GAS7: variants seen among roughly 807,000 people sequenced by gnomAD.
GAS7 encodes the protein growth arrest-specific protein 7.
In GAS7, 28 loss-of-function variants were observed where a neutral mutation model predicts 71.1. The observed-to-expected ratio is 0.39, with a 90% confidence interval of 0.29 to 0.54. GAS7 has a LOEUF of 0.54. Ranked by LOEUF, GAS7 falls within the 20% of genes least tolerant of loss-of-function variation. The pLI is 0.62. For missense variants in GAS7, 436 were observed against 627.8 expected, an observed-to-expected ratio of 0.69 and a Z score of 3.27; for synonymous variants, 258 against 245.8, an observed-to-expected ratio of 1.05 and a Z score of -0.46.
chr17:9,984,426 A>G (rs2070556688), intron 2 of GAS7, among the ~76,000 whole-genome samples: 1 of 152,164 alleles, frequency 6.6e-6, no homozygotes, highest in Non-Finnish European at 1.5e-5. Context: ...GAGAGAAAAC[A>G]GAATTGAGGG....
intron 1 of GAS7, among the ~76,000 whole-genome samples, chr17:10,168,619 G>A (rs1254074477): frequency 6.6e-6 from 1 of 152,158 alleles, no homozygotes; most frequent in Admixed American, 6.6e-5. Flanking sequence ...CCCCTGCAGG[G>A]TGATATTGCC....
At chr17:9,944,840 T>A (rs1464469672) in intron 6 of GAS7, among the ~76,000 whole-genome samples, 1 of 152,166 alleles carries the variant, frequency 6.6e-6, no homozygotes. Context: ...CAAATCTGCC[T>A]CCCTTCTAGG....
At chr17:9,940,055 G>T in intron 8 of GAS7, 71 bp downstream of exon 8, 1 of 883,880 alleles carries the variant, frequency 1.1e-6, no homozygotes, top group Non-Finnish European at 1.9e-6. Context: ...AGTGATCAGT[G>T]ATAGTGGCTG....
At chr17:9,935,773 A>G (rs1352343079) in intron 8 of GAS7, among the ~76,000 whole-genome samples, 2 of 152,228 alleles carry the variant, frequency 1.3e-5, no homozygotes, top group Non-Finnish European at 2.9e-5. Context: ...TGGCAGGGGA[A>G]GCCACCAGAG....
At chr17:10,073,350 C>T (rs914191671) in intron 1 of GAS7, among the ~76,000 whole-genome samples, 1 of 152,222 alleles carries the variant, frequency 6.6e-6, no homozygotes, top group African/African-American at 2.4e-5. Flanking sequence ...AAGGGGCACT[C>T]CTCCCCAGCC....
chr17:9,959,001 G>A lies in GAS7; in HGVS notation c.525+201C>T. Reference sequence around the variant, plus strand: ...CTTCCACTTGTTCACCAGGAGAGAAGTGAAATGTGAAATTGACAGGAGAAG... The same window carrying A: ...CTTCCACTTGTTCACCAGGAGAGAAATGAAATGTGAAATTGACAGGAGAAG... On this transcript the variant is annotated intron_variant, in intron 5 of 13. Transcript: ENST00000432992. This position sits in a 1 kb window ranked among gnomAD's most constrained non-coding sequence, Gnocchi z 5.0. The A allele has an allele frequency of 2.8e-6, 4 of 1,418,706 alleles. 1 individual carries two copies. Among genetic ancestry groups the A allele is most frequent in the Non-Finnish European group, 3.7e-6 (4 of 1,087,096 alleles). 87.9% of individuals were successfully genotyped at this position (1,418,706 alleles called of 1,614,324 possible).
At chr17:10,098,368 C>T (rs1203049202) in intron 1 of GAS7, among the ~76,000 whole-genome samples, 2 of 152,228 alleles carry the variant, frequency 1.3e-5, no homozygotes, top group East Asian at 3.9e-4. Context: ...CTGCCCACTG[C>T]TGTCTTCCAC....
chr17:10,039,995 C>T (rs1190674943), intron 1 of GAS7, among the ~76,000 whole-genome samples: 1 of 152,220 alleles, frequency 6.6e-6, no homozygotes, highest in Non-Finnish European at 1.5e-5. Flanking sequence ...GCTGGGGGGA[C>T]TCTTCCTCCC....
intron 9 of GAS7, among the ~76,000 whole-genome samples, chr17:9,928,238 G>A (rs1361539682): frequency 2.7e-5 from 4 of 150,888 alleles, no homozygotes; most frequent in African/African-American, 7.3e-5. Context: ...TCAGCCTCCC[G>A]AGTAGCTGGG....
chr17:10,184,213 C>T (rs1240027340), intron 1 of GAS7, among the ~76,000 whole-genome samples: 1 of 152,204 alleles, frequency 6.6e-6, no homozygotes, highest in Admixed American at 6.5e-5. Context: ...AGTCCAGACC[C>T]TGCCCCCCAG....
At chr17:9,952,779 T>C (rs1476968170) in intron 5 of GAS7, among the ~76,000 whole-genome samples, 1 of 151,870 alleles carries the variant, frequency 6.6e-6, no homozygotes, top group East Asian at 1.9e-4. Context: ...GAAAGGCAAA[T>C]CAAAACCACA....
intron 1 of GAS7, among the ~76,000 whole-genome samples, chr17:10,096,671 C>G (rs1157224438): frequency 6.6e-6 from 1 of 152,254 alleles, no homozygotes; most frequent in Non-Finnish European, 1.5e-5. Flanking sequence ...CAAGCCACTC[C>G]ATTTCATGGG....
intron 2 of GAS7, among the ~76,000 whole-genome samples, chr17:9,995,612 T>C (rs1307218295): frequency 1.3e-5 from 2 of 152,038 alleles, no homozygotes; most frequent in Non-Finnish European, 2.9e-5. Flanking sequence ...TAAGATACTA[T>C]GTTTTCACCC....
intron 1 of GAS7, among the ~76,000 whole-genome samples, chr17:10,071,267 C>T (rs2073337248): frequency 1.3e-5 from 2 of 152,134 alleles, no homozygotes; most frequent in African/African-American, 4.8e-5. Flanking sequence ...AGTGGCTTTG[C>T]ACATCTGAGA....
At chr17:10,158,913 T>G (rs2074226972) in intron 1 of GAS7, among the ~76,000 whole-genome samples, 1 of 150,358 alleles carries the variant, frequency 6.7e-6, no homozygotes, top group Non-Finnish European at 1.5e-5. Context: ...AAATATTAGC[T>G]GGGCATGGTG....
rs553040913 is a variant in GAS7 at position 9,914,801 on chromosome 17, C to T, written c.*2427G>A. ...GCCCATCTTACATACAACTAGAGCGCCGCTTCTCAGCATGCCTGGCTTGTC... is the reference window on the plus strand; with the variant it reads ...GCCCATCTTACATACAACTAGAGCGTCGCTTCTCAGCATGCCTGGCTTGTC... On this transcript the variant is annotated 3_prime_UTR_variant, in exon 14 of 14. Coordinates refer to ENST00000432992, the MANE Select transcript of GAS7 (RefSeq NM_201433.2). 1 of 229,664 alleles carries T rather than the reference C, an allele frequency of 4.4e-6. No homozygotes were observed. The highest frequency in any genetic ancestry group is 1.8e-4 in the South Asian group (1 of 5,502). 14.2% of individuals were successfully genotyped at this position (229,664 alleles called of 1,614,324 possible). A position where few individuals can be genotyped will look rare whatever the true frequency, so the allele number is the denominator to read the frequency against.
intron 10 of GAS7, among the ~76,000 whole-genome samples, chr17:9,925,980 A>T (rs1486076049): frequency 6.6e-6 from 1 of 152,036 alleles, no homozygotes; most frequent in Non-Finnish European, 1.5e-5. Context: ...ATGTAGCAAC[A>T]GCCCTCCCGT....
At chr17:9,970,172 A>G (rs1187905063) in intron 3 of GAS7, among the ~76,000 whole-genome samples, 2 of 152,136 alleles carry the variant, frequency 1.3e-5, no homozygotes, top group East Asian at 3.9e-4. Context: ...AATTTCCCTC[A>G]GCTTTCTTAG....
intron 1 of GAS7, among the ~76,000 whole-genome samples, chr17:10,140,539 A>G (rs1440202523): frequency 6.6e-6 from 1 of 152,178 alleles, no homozygotes; most frequent in Non-Finnish European, 1.5e-5. Context: ...GTGTGTATAT[A>G]CATGTGTGTC....
Sources: gnomAD v4.1 joint callset for allele counts (sites outside exome capture counted in the v4.1 genomes callset) on GRCh38, gnomAD v4.1.1 for gene constraint, Gnocchi (gnomAD v3.1) non-coding constraint, MANE v1.5 for transcripts, NCBI Gene and HGNC (gene_info 2026-07-23, HGNC 2026-07-21) for gene names.